IGF1R: variants seen among roughly 807,000 people sequenced by gnomAD.
The protein encoded by IGF1R is insulin-like growth factor 1 receptor.
IGF1R carries 44 observed loss-of-function variants against 144.6 expected under a neutral mutation model. That is an observed-to-expected ratio of 0.30 (90% CI 0.24 to 0.39). The LOEUF is 0.39. IGF1R is among the 10% of genes least tolerant of loss of function. IGF1R has a pLI of 1.00. For missense variants in IGF1R, 1,355 were observed against 1,833.7 expected, an observed-to-expected ratio of 0.74 and a Z score of 4.77; for synonymous variants, 795 against 722.8, an observed-to-expected ratio of 1.10 and a Z score of -1.60.
intron 2 of IGF1R, among the ~76,000 whole-genome samples, chr15:98,770,159 G>A (rs967766417): frequency 1.1e-4 from 17 of 152,334 alleles, no homozygotes; most frequent in African/African-American, 4.1e-4. Context: ...TGTCCACCAT[G>A]TCACTCTGAC....
At chr15:98,739,467 A>G (rs908305399) in intron 2 of IGF1R, among the ~76,000 whole-genome samples, 5 of 152,066 alleles carry the variant, frequency 3.3e-5, no homozygotes, top group African/African-American at 9.7e-5. Flanking sequence ...ATCAAATGTT[A>G]TGTCTTTTGA....
intron 2 of IGF1R, among the ~76,000 whole-genome samples, chr15:98,860,956 G>A (rs978095941): frequency 6.6e-6 from 1 of 152,260 alleles, no homozygotes; most frequent in African/African-American, 2.4e-5. Context: ...CTGAATAGTT[G>A]AGTTCTGGAA....
intron 2 of IGF1R, among the ~76,000 whole-genome samples, chr15:98,845,469 C>CCCT (rs2011281565): frequency 8.8e-6 from 1 of 113,520 alleles, no homozygotes; most frequent in African/African-American, 3.4e-5. Context: ...TTCTCCTGCC[C>CCCT]CCTCCTCCTC....
chr15:98,694,382 A>T (rs1050275475), intron 1 of IGF1R, among the ~76,000 whole-genome samples: 1 of 152,086 alleles, frequency 6.6e-6, no homozygotes, highest in African/African-American at 2.4e-5. Context: ...TTCAGAGAAG[A>T]TGAGCCATAG....
Position 98,939,227 on chromosome 15 carries a change from C to T in IGF1R, c.3324C>T (p.Ser1108=), listed in dbSNP as rs1165129188. The change falls in exon 18 of 21, where the codon AGC becomes AGT. Residue 1108 remains serine, a synonymous_variant. Coordinates refer to ENST00000650285, the MANE Select transcript of IGF1R (RefSeq NM_000875.5). ...ATAATCCAGTCCTAGCACCTCCAAG[C>T]CTGAGCAAGATGATTCAGATGGCCG... is the stretch of plus-strand genomic sequence containing the variant. ...MENNPVLAPP[S]LSKMIQMAGE... is the part of the protein sequence containing the mutation. 6.2e-7 allele frequency: 1 copy of T among 1,613,992 alleles called. No individual in the cohort carries two copies. Among genetic ancestry groups the T allele is most frequent in the South Asian group, 1.1e-5 (1 of 91,058 alleles).
intron 20 of IGF1R, among the ~76,000 whole-genome samples, chr15:98,955,552 G>T (rs1028537835): frequency 2.0e-5 from 3 of 152,242 alleles, no homozygotes; most frequent in African/African-American, 4.8e-5. Context: ...GTTAGGCCCT[G>T]TGGAGACGCA....
At chr15:98,845,669 G>T (rs1447087720) in intron 2 of IGF1R, among the ~76,000 whole-genome samples, 1 of 151,602 alleles carries the variant, frequency 6.6e-6, no homozygotes, top group Non-Finnish European at 1.5e-5. Flanking sequence ...GCAATCTTCT[G>T]TTCTACTACT....
At chr15:98,751,767 T>C (rs2055017483) in intron 2 of IGF1R, among the ~76,000 whole-genome samples, 1 of 152,214 alleles carries the variant, frequency 6.6e-6, no homozygotes, top group South Asian at 2.1e-4. Flanking sequence ...GACCTATGCT[T>C]CTAAAGCCTA....
intron 20 of IGF1R, among the ~76,000 whole-genome samples, chr15:98,952,076 C>T (rs1369839271): frequency 1.3e-5 from 2 of 152,180 alleles, no homozygotes; most frequent in South Asian, 2.1e-4. Context: ...CCAGATTTTA[C>T]CCACAGGTAC....
chr15:98,762,207 A>G (rs2055318101), intron 2 of IGF1R, among the ~76,000 whole-genome samples: 1 of 149,768 alleles, frequency 6.7e-6, no homozygotes, highest in Non-Finnish European at 1.5e-5. Flanking sequence ...AAAAGTTGTT[A>G]TATCATTTGA....
At chr15:98,953,833 T>A (rs2016871571) in intron 20 of IGF1R, among the ~76,000 whole-genome samples, 1 of 152,202 alleles carries the variant, frequency 6.6e-6, no homozygotes, top group East Asian at 1.9e-4. Flanking sequence ...GCTGGAATCC[T>A]GGTTTGGTTC....
In IGF1R at chr15:98,837,251, T is replaced by G. The variant is rs568009988; in HGVS notation, c.641-54074T>G. On this transcript the variant is annotated intron_variant, in intron 2 of 20. Coordinates refer to ENST00000650285, the MANE Select transcript of IGF1R (RefSeq NM_000875.5). ...CCCCACCAGTTTTGTTTGTTTGTTTTTTTGTTTGGGCAGAATCTCGCTCAG... is the reference window on the plus strand; with the variant it reads ...CCCCACCAGTTTTGTTTGTTTGTTTGTTTGTTTGGGCAGAATCTCGCTCAG... Among the ~76,000 whole-genome samples the G allele has an allele frequency of 9.2e-5, 14 of 152,256 alleles. No individual in the cohort carries two copies. The South Asian group carries it at 2.9e-3, about 32-fold the overall frequency.
intron 1 of IGF1R, among the ~76,000 whole-genome samples, chr15:98,668,475 G>C (rs952346208): frequency 1.3e-5 from 2 of 152,196 alleles, no homozygotes; most frequent in Non-Finnish European, 2.9e-5. Flanking sequence ...GGATGGCGCT[G>C]AGCACATTCG....
At position 98,959,975 on chromosome 15, in the gene IGF1R, G is replaced by C. The variant is rs1389819266; in HGVS notation, c.*2533G>C. 8.6e-6 allele frequency: 2 copies of C among 232,546 alleles called. No homozygotes were observed. Among genetic ancestry groups the C allele is most frequent in the Non-Finnish European group, 1.7e-5 (2 of 117,716 alleles). The allele number at this position is 232,546 out of a possible 1,614,324, so 14.4% of individuals were successfully genotyped here. A position where few individuals can be genotyped will look rare whatever the true frequency, so the allele number is the denominator to read the frequency against. ...AATTTAAATTTCAAGGAAAGGGTGTGTGTGTGTGTATGTGTGGGGTGTGTG... is the reference window on the plus strand; with the variant it reads ...AATTTAAATTTCAAGGAAAGGGTGTCTGTGTGTGTATGTGTGGGGTGTGTG... On this transcript the variant is annotated 3_prime_UTR_variant, in exon 21 of 21. Coordinates refer to ENST00000650285, the MANE Select transcript of IGF1R (RefSeq NM_000875.5).
At chr15:98,740,390 G>A (rs1417628885) in intron 2 of IGF1R, among the ~76,000 whole-genome samples, 2 of 152,176 alleles carry the variant, frequency 1.3e-5, no homozygotes, top group Non-Finnish European at 2.9e-5. Context: ...CATTTAACAG[G>A]TCAAGGATCT....
chr15:98,802,387 A>G (rs2056381270), intron 2 of IGF1R, among the ~76,000 whole-genome samples: 1 of 152,180 alleles, frequency 6.6e-6, no homozygotes. Flanking sequence ...GAGCTGGAGC[A>G]GGGTGTGGCT....
chr15:98,826,950 G>A (rs753307164), intron 2 of IGF1R, among the ~76,000 whole-genome samples: 5 of 152,150 alleles, frequency 3.3e-5, no homozygotes, highest in Non-Finnish European at 5.9e-5. Context: ...CTGGCCATAC[G>A]GCTGCCTAGG....
intron 2 of IGF1R, among the ~76,000 whole-genome samples, chr15:98,842,591 C>T (rs956888071): frequency 6.6e-6 from 1 of 152,174 alleles, no homozygotes; most frequent in African/African-American, 2.4e-5. Flanking sequence ...TTAGGACAGT[C>T]ATGCAATTAT....
At chr15:98,939,934 T>C (rs1262245651) in intron 18 of IGF1R, among the ~76,000 whole-genome samples, 1 of 152,168 alleles carries the variant, frequency 6.6e-6, no homozygotes, top group African/African-American at 2.4e-5. Flanking sequence ...TCGACCACTC[T>C]CTCACAACAC....
Sources: allele counts gnomAD v4.1 joint callset (sites outside exome capture counted in the v4.1 genomes callset), GRCh38; gene constraint gnomAD v4.1.1; transcripts MANE v1.5; gene names NCBI Gene and HGNC (gene_info 2026-07-23, HGNC 2026-07-21).